The following MRC1 variants were observed in gnomAD, a reference collection of about 807,000 sequenced individuals.
MRC1 encodes mannose receptor C-type 1.
MRC1 carries 62 observed loss-of-function variants against 102.9 expected under a neutral mutation model. The observed-to-expected ratio is 0.60, with a 90% CI of 0.49 to 0.74. MRC1 has a LOEUF of 0.74. MRC1 is among the 30% of genes least tolerant of loss of function. The pLI is 0.00. For missense variants in MRC1, 1,237 were observed against 862.8 expected, an observed-to-expected ratio of 1.43 and a Z score of -5.43; for synonymous variants, 457 against 298.4, an observed-to-expected ratio of 1.53 and a Z score of -5.48.
intron 27 of MRC1, 89 bp from the exon 28 acceptor site, chr10:17,907,445 T>G: frequency 1.3e-6 from 1 of 773,018 alleles, no homozygotes; most frequent in Non-Finnish European, 2.4e-6. Context: ...TAAAAGAATA[T>G]GCTTAGAAAT....
intron 21 of MRC1, among the ~76,000 whole-genome samples, chr10:17,884,972 C>T (rs1589191350): frequency 1.3e-5 from 2 of 152,176 alleles, no homozygotes; most frequent in South Asian, 2.1e-4. Context: ...TAGGCAGCCA[C>T]GACCCAGATA....
chr10:17,874,746 C>T (rs1421217511), intron 16 of MRC1, among the ~76,000 whole-genome samples: 1 of 151,918 alleles, frequency 6.6e-6, no homozygotes, highest in Admixed American at 6.6e-5. Flanking sequence ...ATAGTTCCCA[C>T]TCCTTTGATG....
rs1833950033 is a variant in MRC1, at chr10:17,910,199, TTTTA to T, written c.4121-6_4121-3del. ...CCTCCCTCCACGTTTTCCATAATGA[TTTTA>T]TTTATTTATAGCTGACACAAGGAAG... is the stretch of plus-strand genomic sequence containing the variant. On this transcript the variant is annotated splice_polypyrimidine_tract_variant and intron_variant, in intron 29 of 29. Transcript: ENST00000569591. The T allele has an allele frequency of 1.3e-6, 1 of 780,576 alleles. No homozygotes were observed. Among genetic ancestry groups the T allele is most frequent in the Non-Finnish European group, 2.4e-6 (1 of 417,944 alleles). 48.4% of individuals were successfully genotyped at this position (780,576 alleles called of 1,614,324 possible).
intron 1 of MRC1, among the ~76,000 whole-genome samples, chr10:17,820,539 T>C (rs1370093691): frequency 6.6e-6 from 1 of 152,206 alleles, no homozygotes; most frequent in African/African-American, 2.4e-5. Context: ...AATCAGTTAA[T>C]TGACTGAATT....
chr10:17,884,766 G>C (rs1004074839), intron 21 of MRC1, among the ~76,000 whole-genome samples: 1 of 152,088 alleles, frequency 6.6e-6, no homozygotes, highest in Non-Finnish European at 1.5e-5. Context: ...GGTGAGATTT[G>C]GGTGGGGACA....
At position 17,853,080 on chromosome 10, in the gene MRC1, C is replaced by A. The variant is rs1838940719; in HGVS notation, c.1363C>A (p.His455Asn). The change falls in exon 8 of 30, where the codon CAT becomes AAT. Residue 455 changes from histidine (H) to asparagine (N), a missense_variant. Coordinates refer to ENST00000569591, the MANE Select transcript of MRC1 (RefSeq NM_002438.4). ...FTKWLRGEPS[H>N]ENNRQEDCVV... ...CAAATGGCTTCGTGGAGAACCAAGCCATGAAAACAACAGACAGGAGGATTG... is the reference window on the plus strand; with the variant it reads ...CAAATGGCTTCGTGGAGAACCAAGCAATGAAAACAACAGACAGGAGGATTG... 1.3e-6 allele frequency: 1 copy of A among 780,640 alleles called. No homozygotes were observed. The highest frequency in any genetic ancestry group is 1.7e-5 in the African/African-American group (1 of 59,090). 48.4% of individuals were successfully genotyped at this position (780,640 alleles called of 1,614,324 possible).
At chr10:17,827,503 T>C in intron 2 of MRC1, 39 bp from the exon 3 acceptor site, 1 of 691,574 alleles carries the variant, frequency 1.4e-6, no homozygotes, top group Admixed American at 1.8e-5. Flanking sequence ...TTCAGAAATA[T>C]CACTCACATT....
At chr10:17,845,955 G>C (rs1237259939) in intron 6 of MRC1, among the ~76,000 whole-genome samples, 5 of 152,120 alleles carry the variant, frequency 3.3e-5, no homozygotes, top group Non-Finnish European at 7.3e-5. Context: ...TGTCACCCAG[G>C]CTGGAGTACA....
chr10:17,907,423 T>C (rs1833910441), intron 27 of MRC1, 111 bp from the exon 28 acceptor site: 2 of 746,128 alleles, frequency 2.7e-6, no homozygotes, highest in African/African-American at 1.7e-5. Flanking sequence ...TAAATGACTA[T>C]TGATTCTAGT....
At chr10:17,877,810 T>A (rs1490465990) in intron 17 of MRC1, 90 bp from the exon 18 acceptor site, 3 of 851,440 alleles carry the variant, frequency 3.5e-6, no homozygotes, top group Non-Finnish European at 6.2e-6. Context: ...AGGTTTCGAT[T>A]AGGCTGCCTC....
chr10:17,814,257 C>A (rs950772261), intron 1 of MRC1, among the ~76,000 whole-genome samples: 1 of 152,136 alleles, frequency 6.6e-6, no homozygotes, highest in Non-Finnish European at 1.5e-5. Context: ...GATAAATTTA[C>A]TACCTGGAGT....
Position 17,840,757 on chromosome 10 carries a change from T to C in MRC1, c.867T>C (p.Gly289=). The C allele has an allele frequency of 2.6e-6, 2 of 780,880 alleles. No homozygotes were observed. The highest frequency in any genetic ancestry group is 1.3e-5 in the South Asian group (1 of 74,608). 48.4% of individuals were successfully genotyped at this position (780,880 alleles called of 1,614,324 possible). The change falls in exon 5 of 30, where the codon GGT becomes GGC. Residue 289 remains glycine, a synonymous_variant. Transcript: ENST00000569591. ...IGLNSLSFNS[G]WQWSDRSPFR... ...TTAACAGTCTGAGCTTCAACAGCGG[T>C]TGGCAGTGGAGTGACCGCAGTCCTT...
At chr10:17,869,371 G>T (rs912290851) in intron 12 of MRC1, among the ~76,000 whole-genome samples, 1 of 152,172 alleles carries the variant, frequency 6.6e-6, no homozygotes, top group Non-Finnish European at 1.5e-5. Flanking sequence ...TCAAGTTAGG[G>T]TCAAGGTGAA....
chr10:17,854,893 G>C (rs1376925408), intron 8 of MRC1: 1 of 153,882 alleles, frequency 6.5e-6, no homozygotes, highest in Non-Finnish European at 1.4e-5. Flanking sequence ...GTTTCACCAT[G>C]TTGGCCCGGC....
intron 6 of MRC1, among the ~76,000 whole-genome samples, chr10:17,847,064 A>G (rs1293790431): frequency 6.6e-6 from 1 of 152,212 alleles, no homozygotes; most frequent in Non-Finnish European, 1.5e-5. Context: ...TATCCTTTAC[A>G]GGCTCTCCAT....
At chr10:17,870,082 A>G (rs1178173318) in intron 12 of MRC1, among the ~76,000 whole-genome samples, 164 bp from the exon 13 acceptor site, 1 of 152,208 alleles carries the variant, frequency 6.6e-6, no homozygotes, top group Non-Finnish European at 1.5e-5. Flanking sequence ...TTACCCAACT[A>G]TTCACTCATA....
rs1342600558 is a variant in MRC1 at position 17,836,415 on chromosome 10, TA to T, written c.802+2578del. Reference sequence around the variant, plus strand: ...TCATATTTACAACCATGCACAAAAATAAGGAGGAAGAGGAGAAAGTACAGAA... The same window carrying T: ...TCATATTTACAACCATGCACAAAAATAGGAGGAAGAGGAGAAAGTACAGAA... On this transcript the variant is annotated intron_variant, in intron 4 of 29. Coordinates refer to ENST00000569591, the MANE Select transcript of MRC1 (RefSeq NM_002438.4). 2.0e-4 allele frequency among the ~76,000 whole-genome samples: 31 copies of T among 151,984 alleles called. 1 individual carries two copies. Among genetic ancestry groups the T allele is most frequent in the Admixed American group, 2.0e-3 (31 of 15,256 alleles).
At chr10:17,819,453 A>ATGTGTGTGTGTGTGTGTG (rs59778334) in intron 1 of MRC1, among the ~76,000 whole-genome samples, 32 of 145,774 alleles carry the variant, frequency 2.2e-4, no homozygotes, top group African/African-American at 6.4e-4. Flanking sequence ...TCAGAGTTGT[A>ATGTGTGTGTGTGTGTGTG]TGTGTGTGTG....
chr10:17,909,584 T>G (rs1833942280), intron 29 of MRC1, among the ~76,000 whole-genome samples: 1 of 152,064 alleles, frequency 6.6e-6, no homozygotes, highest in Non-Finnish European at 1.5e-5. Flanking sequence ...TTTCGCTCTG[T>G]TACAAACAGC....
Sources: gnomAD v4.1 joint callset for allele counts (sites outside exome capture counted in the v4.1 genomes callset) on GRCh38, gnomAD v4.1.1 for gene constraint, MANE v1.5 for transcripts, NCBI Gene and HGNC (gene_info 2026-07-23, HGNC 2026-07-21) for gene names.